The following EYA4 variants were observed in gnomAD, a reference collection of about 807,000 sequenced individuals.
The protein encoded by EYA4 is EYA transcriptional coactivator and phosphatase 4, also known as protein phosphatase EYA4.
A neutral mutation model predicts 87.9 loss-of-function variants in EYA4; 31 were observed. That is an observed-to-expected ratio of 0.35 (90% CI 0.27 to 0.48). The LOEUF is 0.48. EYA4 is among the 20% of genes least tolerant of loss of function. The probability of loss-of-function intolerance (pLI) is 0.99; values close to 1 mark genes in which losing one functional copy is unlikely to be tolerated. For missense variants in EYA4, 678 were observed against 761.4 expected (o/e 0.89, Z 1.29); for synonymous variants, 263 against 270.6 (o/e 0.97, Z 0.28).
At chr6:133,247,953 A>G (rs1221572999) in intron 1 of EYA4, 1 of 152,192 alleles carries the variant, frequency 6.6e-6, no homozygotes, top group Non-Finnish European at 1.5e-5. Context: ...AGACTGTCAG[A>G]TACGGTAAAA....
chr6:133,311,414 C>T (rs1430820921), intron 2 of EYA4, among the ~76,000 whole-genome samples: 2 of 152,158 alleles, frequency 1.3e-5, no homozygotes, highest in African/African-American at 4.8e-5. Flanking sequence ...CAGCCTCTAC[C>T]TCCCAGACCC....
chr6:133,488,588 T>A (rs1426012392), intron 13 of EYA4, among the ~76,000 whole-genome samples: 1 of 152,130 alleles, frequency 6.6e-6, no homozygotes, highest in Non-Finnish European at 1.5e-5. Flanking sequence ...AGTAAGGGAA[T>A]AGAACAAAAG....
intron 11 of EYA4, among the ~76,000 whole-genome samples, chr6:133,473,058 C>A (rs1283890469): frequency 1.3e-5 from 2 of 151,930 alleles, no homozygotes; most frequent in Non-Finnish European, 2.9e-5. Flanking sequence ...TGTCAAAATT[C>A]ACTAAGAAAA....
chr6:133,295,742 C>A (rs183157495), intron 2 of EYA4, among the ~76,000 whole-genome samples: 1 of 152,048 alleles, frequency 6.6e-6, no homozygotes, highest in Non-Finnish European at 1.5e-5. Flanking sequence ...TCTGTCAGAC[C>A]GCAGGGTCTT....
chr6:133,387,231 A>G (rs1786828243), intron 3 of EYA4, among the ~76,000 whole-genome samples: 1 of 152,220 alleles, frequency 6.6e-6, no homozygotes, highest in African/African-American at 2.4e-5. Context: ...GTTATTTGCT[A>G]GTAAAATAAT....
At chr6:133,378,826 C>T (rs1387858245) in intron 2 of EYA4, among the ~76,000 whole-genome samples, 1 of 150,844 alleles carries the variant, frequency 6.6e-6, no homozygotes, top group African/African-American at 2.4e-5. Context: ...TGGAATTTTC[C>T]TGTATTTTTA....
intron 5 of EYA4, among the ~76,000 whole-genome samples, chr6:133,450,581 G>A (rs1793340124): frequency 6.6e-6 from 1 of 152,082 alleles, no homozygotes; most frequent in African/African-American, 2.4e-5. Context: ...TCGGCTCACC[G>A]CAACTTCCAC....
chr6:133,244,226 A>G (rs1217469076), intron 1 of EYA4, among the ~76,000 whole-genome samples: 1 of 152,214 alleles, frequency 6.6e-6, no homozygotes, highest in African/African-American at 2.4e-5. Context: ...ATATTTAAAG[A>G]CCATTGTAAC....
intron 10 of EYA4, 117 bp from the exon 11 acceptor site, chr6:133,468,449 T>C: frequency 1.2e-6 from 1 of 854,264 alleles, no homozygotes; most frequent in Non-Finnish European, 2.0e-6. Flanking sequence ...AGCTGTGGAC[T>C]CAGAAACAAA....
chr6:133,498,294 C>T (rs764365670), intron 13 of EYA4, among the ~76,000 whole-genome samples: 2 of 152,128 alleles, frequency 1.3e-5, no homozygotes, highest in Non-Finnish European at 2.9e-5. Context: ...TCTGCCTCTC[C>T]CTCCTAGTAC....
rs184220639 is a variant in EYA4 at position 133,476,099 on chromosome 6, C to T, written c.971-5364C>T. 4.5e-3 allele frequency among the ~76,000 whole-genome samples: 687 copies of T among 152,088 alleles called. 9 individuals are homozygous for T. The highest frequency in any genetic ancestry group is 0.016 in the African/African-American group (659 of 41,490). ...ATCTCAGCTACTCTGGAGGCTGAGG[C>T]GAGAAGATTGCTTGAGTCCAGGAGT... On this transcript the variant is annotated intron_variant, in intron 11 of 19. Transcript: ENST00000355286.
Position 133,403,071 on chromosome 6 carries a change from G to A in EYA4, c.83+20630G>A, listed in dbSNP as rs72999777. The stretch of plus-strand genomic sequence containing the variant: ...ATTAGCTATAACTAAAACACTTCCA[G>A]CAGCATCAAGTGCTATTTTTATTAT... On this transcript the variant is annotated intron_variant, in intron 3 of 19. Transcript: ENST00000355286. Among the ~76,000 whole-genome samples the A allele has an allele frequency of 1.9e-4, 29 of 152,134 alleles. No individual in the cohort carries two copies. In the South Asian group the frequency reaches 2.1e-3, roughly 11 times the overall value.
intron 13 of EYA4, among the ~76,000 whole-genome samples, chr6:133,498,782 G>A (rs1797853496): frequency 6.6e-6 from 1 of 152,180 alleles, no homozygotes; most frequent in Non-Finnish European, 1.5e-5. Context: ...ATCAAAGACA[G>A]TGACATATCT....
chr6:133,480,296 A>C (rs1796094011), intron 11 of EYA4, among the ~76,000 whole-genome samples: 1 of 152,236 alleles, frequency 6.6e-6, no homozygotes, highest in African/African-American at 2.4e-5. Context: ...CACAGCACAG[A>C]GATCCTGGAA....
intron 11 of EYA4, among the ~76,000 whole-genome samples, chr6:133,476,546 T>A (rs1795751259): frequency 6.6e-6 from 1 of 152,110 alleles, no homozygotes; most frequent in Admixed American, 6.6e-5. Flanking sequence ...AACATAATGT[T>A]CTCTAAGTTC....
At chr6:133,338,124 C>T (rs1231448793) in intron 2 of EYA4, among the ~76,000 whole-genome samples, 2 of 152,126 alleles carry the variant, frequency 1.3e-5, no homozygotes, top group Non-Finnish European at 2.9e-5. Flanking sequence ...TAAAAACTTA[C>T]TTTAGAGCTT....
chr6:133,501,830 AG>A (rs967640740), intron 13 of EYA4, among the ~76,000 whole-genome samples: 1 of 152,194 alleles, frequency 6.6e-6, no homozygotes, highest in Non-Finnish European at 1.5e-5. Context: ...TCCCTAGAGG[AG>A]GAATTCCAGC....
intron 2 of EYA4, among the ~76,000 whole-genome samples, chr6:133,371,602 G>T (rs1785271832): frequency 6.6e-6 from 1 of 152,068 alleles, no homozygotes; most frequent in South Asian, 2.1e-4. Context: ...CTCTACTTTG[G>T]TTTTTCTCTT....
intron 1 of EYA4, among the ~76,000 whole-genome samples, chr6:133,261,421 T>C (rs1775787919): frequency 6.6e-6 from 1 of 152,216 alleles, no homozygotes; most frequent in Non-Finnish European, 1.5e-5. Context: ...TGCTTTCCTA[T>C]TCCCTTTTCT....
Sources: gnomAD v4.1 joint callset for allele counts (sites outside exome capture counted in the v4.1 genomes callset) on GRCh38, gnomAD v4.1.1 for gene constraint, MANE v1.5 for transcripts, NCBI Gene and HGNC (gene_info 2026-07-23, HGNC 2026-07-21) for gene names.